The following TCERG1L variants were observed in gnomAD, a reference collection of about 807,000 sequenced individuals.
TCERG1L encodes the protein transcription elongation regulator 1 like, also known as transcription elongation regulator 1-like protein.
In TCERG1L, 37 loss-of-function variants were observed where a neutral mutation model predicts 56.3. The observed-to-expected ratio is 0.66, with a 90% confidence interval of 0.51 to 0.87. The LOEUF (loss-of-function observed/expected upper bound fraction) is 0.87. Ranked by LOEUF, TCERG1L falls within the 40% of genes least tolerant of loss-of-function variation. The probability of loss-of-function intolerance (pLI) is 0.00; values close to 1 mark genes in which losing one functional copy is unlikely to be tolerated. For synonymous variants in TCERG1L, 324 were observed against 326.3 expected (o/e 0.99, Z 0.08); for missense variants, 799 against 774.2 (o/e 1.03, Z -0.38).
rs1054115332 is a variant in TCERG1L, at chr10:131,103,734, G to T, written c.1485+531C>A. ...TAAAATAAAAGGTTTTGACGGCCTT[G>T]TGTGCAAGACTGTGGTTCTTGTAGA... On this transcript the variant is annotated intron_variant, in intron 10 of 11. Transcript: ENST00000368642. This position sits in a 1 kb window ranked among gnomAD's most constrained non-coding sequence, Gnocchi z 4.3. Among the ~76,000 whole-genome samples, 10 of 152,184 alleles carry T rather than the reference G, an allele frequency of 6.6e-5. No individual in the cohort carries two copies. The highest frequency in any genetic ancestry group is 2.2e-4 in the African/African-American group (9 of 41,442).
intron 3 of TCERG1L, among the ~76,000 whole-genome samples, chr10:131,290,652 A>T (rs1040930108): frequency 1.5e-5 from 2 of 136,272 alleles, no homozygotes; most frequent in Non-Finnish European, 3.2e-5. Flanking sequence ...AAAAAAAAAA[A>T]CCTTAACATT....
At position 131,098,424 on chromosome 10, in the gene TCERG1L, T is replaced by A; in HGVS notation, c.1486A>T (p.Ile496Leu). ...CTTGTCTTGACAAACTGTTCAAATA[T>A]CTTAAAACACAGATACAGAAGAAAA... ...LLLNSEERKQIFEQFVKTRIK... is the reference protein window; with the variant it reads ...LLLNSEERKQLFEQFVKTRIK... The change falls in exon 11 of 12, where the codon ATA (isoleucine) becomes TTA (leucine). Residue 496 changes from isoleucine (I) to leucine (L), a missense_variant and splice_region_variant. Transcript: ENST00000368642. 2 of 1,542,320 alleles carry A rather than the reference T, an allele frequency of 1.3e-6. No homozygotes were observed. The highest frequency in any genetic ancestry group is 1.7e-6 in the Non-Finnish European group (2 of 1,145,550).
chr10:131,174,813 G>A (rs1846130441), intron 4 of TCERG1L, among the ~76,000 whole-genome samples: 1 of 152,032 alleles, frequency 6.6e-6, no homozygotes, highest in African/African-American at 2.4e-5. Flanking sequence ...TCTCAGTACC[G>A]AGAGGCAACT....
At chr10:131,210,499 G>A (rs1252895892) in intron 4 of TCERG1L, among the ~76,000 whole-genome samples, 1 of 152,230 alleles carries the variant, frequency 6.6e-6, no homozygotes, top group Non-Finnish European at 1.5e-5. Flanking sequence ...CAATACCAAG[G>A]TGAAAATAAA....
intron 3 of TCERG1L, among the ~76,000 whole-genome samples, chr10:131,282,150 A>T (rs182865502): frequency 0.019 from 2,882 of 150,842 alleles, 78 homozygotes; most frequent in East Asian, 0.074. Context: ...AAAAAAAAAA[A>T]AAAAAAAAAA....
At chr10:131,166,773 A>T (rs753592008) in intron 5 of TCERG1L, 24 bp downstream of exon 5, 1 of 1,612,780 alleles carries the variant, frequency 6.2e-7, no homozygotes, top group Non-Finnish European at 8.5e-7. Flanking sequence ...TGTCTTTAAC[A>T]CACACACGAG....
intron 7 of TCERG1L, among the ~76,000 whole-genome samples, chr10:131,135,708 A>G (rs535283307): frequency 3.3e-5 from 5 of 152,232 alleles, no homozygotes; most frequent in Non-Finnish European, 7.4e-5. Flanking sequence ...GAGCCACAGG[A>G]CCACAGAGGC....
At chr10:131,187,951 G>T (rs1410006747) in intron 4 of TCERG1L, among the ~76,000 whole-genome samples, 1 of 152,224 alleles carries the variant, frequency 6.6e-6, no homozygotes, top group Non-Finnish European at 1.5e-5. Context: ...CCTGATGGAA[G>T]GGGTAGATTT....
At chr10:131,226,460 C>A (rs1807082644) in intron 4 of TCERG1L, among the ~76,000 whole-genome samples, 1 of 152,206 alleles carries the variant, frequency 6.6e-6, no homozygotes, top group African/African-American at 2.4e-5. Context: ...CAAGCCACCA[C>A]CTTTCCAGAA....
At chr10:131,151,986 A>T (rs1220101239) in intron 6 of TCERG1L, among the ~76,000 whole-genome samples, 3 of 152,226 alleles carry the variant, frequency 2.0e-5, no homozygotes, top group Non-Finnish European at 4.4e-5. Flanking sequence ...TGAAGCAGCT[A>T]GGATGCAGGG....
chr10:131,214,524 T>C (rs1845648684), intron 4 of TCERG1L, among the ~76,000 whole-genome samples: 1 of 152,238 alleles, frequency 6.6e-6, no homozygotes, highest in Admixed American at 6.5e-5. Flanking sequence ...ATTTACACCT[T>C]CTATTTTCAC....
intron 9 of TCERG1L, among the ~76,000 whole-genome samples, chr10:131,106,788 T>C (rs1355247690): frequency 6.6e-6 from 1 of 152,208 alleles, no homozygotes; most frequent in Non-Finnish European, 1.5e-5. Context: ...ATATTCTTCA[T>C]AGAGGTACTA....
chr10:131,187,211 G>A (rs1431101327), intron 4 of TCERG1L, among the ~76,000 whole-genome samples: 3 of 152,214 alleles, frequency 2.0e-5, no homozygotes, highest in Admixed American at 6.5e-5. Flanking sequence ...GAGGCACGTC[G>A]GTCAAATCAC....
At chr10:131,121,254 T>C (rs1048398664) in intron 8 of TCERG1L, among the ~76,000 whole-genome samples, 3 of 152,186 alleles carry the variant, frequency 2.0e-5, no homozygotes, top group Admixed American at 6.5e-5. Flanking sequence ...GACCTGATTC[T>C]GGAGAGGCCT....
intron 8 of TCERG1L, among the ~76,000 whole-genome samples, chr10:131,122,038 A>C (rs1373070435): frequency 6.6e-6 from 1 of 152,134 alleles, no homozygotes; most frequent in Non-Finnish European, 1.5e-5. Context: ...CTAACAAGTG[A>C]CCGCACCGTG....
intron 3 of TCERG1L, among the ~76,000 whole-genome samples, chr10:131,268,111 C>T (rs61861233): frequency 4.6e-5 from 7 of 152,116 alleles, no homozygotes; most frequent in Non-Finnish European, 7.4e-5. Context: ...GCTCCATAGC[C>T]GGCCTTGAGC....
intron 8 of TCERG1L, among the ~76,000 whole-genome samples, chr10:131,133,443 G>A (rs1373039260): frequency 6.6e-6 from 1 of 152,158 alleles, no homozygotes; most frequent in African/African-American, 2.4e-5. Context: ...GCAGGAGCCT[G>A]GTGCAGGATG....
intron 4 of TCERG1L, among the ~76,000 whole-genome samples, chr10:131,240,586 C>G (rs761864759): frequency 6.6e-5 from 10 of 152,166 alleles, no homozygotes; most frequent in Non-Finnish European, 8.8e-5. Flanking sequence ...CAGGCCTGCT[C>G]GAGGTGCTGG....
intron 4 of TCERG1L, among the ~76,000 whole-genome samples, chr10:131,250,608 A>G (rs1264545182): frequency 6.6e-6 from 1 of 152,082 alleles, no homozygotes; most frequent in Non-Finnish European, 1.5e-5. Flanking sequence ...ATGTGAGTGG[A>G]GCCAGTCTTG....
Sources: gnomAD v4.1 joint callset for allele counts (sites outside exome capture counted in the v4.1 genomes callset) on GRCh38, gnomAD v4.1.1 for gene constraint, Gnocchi (gnomAD v3.1) non-coding constraint, MANE v1.5 for transcripts, NCBI Gene and HGNC (gene_info 2026-07-23, HGNC 2026-07-21) for gene names.